Variants in CHRDL2 observed in about 807,000 individuals in gnomAD.
CHRDL2 encodes the protein chordin-like protein 2.
A neutral mutation model predicts 54.3 loss-of-function variants in CHRDL2; 41 were observed. The observed-to-expected ratio is 0.76, with a 90% CI of 0.59 to 0.98. The LOEUF (loss-of-function observed/expected upper bound fraction) is 0.98, where lower values mean the gene tolerates loss of function less well. CHRDL2 is among the 50% of genes least tolerant of loss of function. CHRDL2 has a pLI of 0.00. For synonymous variants in CHRDL2, 220 were observed against 224.3 expected (o/e 0.98, Z 0.17); for missense variants, 518 against 562.4 (o/e 0.92, Z 0.80).
Position 74,703,494 on chromosome 11 carries a change from C to G in CHRDL2, c.757G>C (p.Val253Leu), listed in dbSNP as rs1291102214. ...TGGGAGTACGTCTTCCCGCCATGCA[C>G]ACAGGCTGAATAAGGAGGGTGAGAA... is the stretch of plus-strand genomic sequence containing the variant. Reference protein sequence around the residue: ...VLKEKHKKACVHGGKTYSHGE... With the variant: ...VLKEKHKKACLHGGKTYSHGE... Residue 253 changes from valine (V) to leucine (L), a missense_variant, in exon 8 of 11, where the codon GTG becomes CTG. Coordinates refer to ENST00000376332, the MANE Select transcript of CHRDL2 (RefSeq NM_001278473.3). The G allele has an allele frequency of 1.3e-6, 2 of 1,594,818 alleles. No individual in the cohort carries two copies. Among genetic ancestry groups the G allele is most frequent in the East Asian group, 2.3e-5 (1 of 44,416 alleles).
chr11:74,713,389 C>G lies in CHRDL2; in HGVS notation c.286G>C (p.Val96Leu). Residue 96 changes from valine (V) to leucine (L), a missense_variant, in exon 3 of 11, where the codon GTG becomes CTG. Physicochemically the swap from Val to Leu is conservative, Grantham distance 32. Transcript: ENST00000376332. ...TEPQQCCPKC[V>L]EPHTPSGLRA... is the part of the protein sequence containing the mutation. ...GGGGAGGAGCATGGCTACTTACCCA[C>G]ACACTTGGGACAGCATTGCTGTGGC... 6.2e-7 allele frequency: 1 copy of G among 1,613,804 alleles called. No homozygotes were observed. The highest frequency in any genetic ancestry group is 1.1e-5 in the South Asian group (1 of 91,062).
intron 1 of CHRDL2, among the ~76,000 whole-genome samples, chr11:74,727,299 C>A (rs535283640): frequency 6.6e-6 from 1 of 152,190 alleles, no homozygotes; most frequent in Non-Finnish European, 1.5e-5. Context: ...ATCCTACCAG[C>A]GGAGCTCCCT....
intron 1 of CHRDL2, among the ~76,000 whole-genome samples, chr11:74,725,406 T>C (rs2034559094): frequency 6.6e-6 from 1 of 152,194 alleles, no homozygotes; most frequent in Admixed American, 6.5e-5. Flanking sequence ...CAACCCCCAC[T>C]TTCCAGCTCC....
intron 1 of CHRDL2, among the ~76,000 whole-genome samples, chr11:74,728,882 A>G (rs1276048783): frequency 6.6e-6 from 1 of 152,140 alleles, no homozygotes; most frequent in Non-Finnish European, 1.5e-5. Flanking sequence ...GTTGGCTCCA[A>G]GTCTTTTTCT....
At chr11:74,720,529 A>G (rs1233448696) in intron 1 of CHRDL2, among the ~76,000 whole-genome samples, 1 of 152,016 alleles carries the variant, frequency 6.6e-6, no homozygotes, top group Non-Finnish European at 1.5e-5. Flanking sequence ...CCCACCAGCC[A>G]CCATCCCCGA....
chr11:74,704,594 C>T lies in CHRDL2; in HGVS notation c.643G>A (p.Ala215Thr). 6.3e-7 allele frequency: 1 copy of T among 1,599,300 alleles called. No homozygotes were observed. Among genetic ancestry groups the T allele is most frequent in the Non-Finnish European group, 8.5e-7 (1 of 1,173,414 alleles). The change falls in exon 7 of 11, where the codon GCC (alanine) becomes ACC (threonine). Residue 215 changes from alanine (A) to threonine (T), a missense_variant. By Grantham distance (58) the Ala-to-Thr change is moderately conservative. Coordinates refer to ENST00000376332, the MANE Select transcript of CHRDL2 (RefSeq NM_001278473.3). ...AGAGGGGCGCTGAGGCCAGTGGGGG[C>T]TGGGGTGCCCGGGCCTCTCTTTCTC... Reference protein sequence around the residue: ...AGRKRGPGTPAPTGLSAPLSF... With the variant: ...AGRKRGPGTPTPTGLSAPLSF...
chr11:74,708,342 T>A lies in CHRDL2; in HGVS notation c.486A>T (p.Ala162=), dbSNP rs1334901963. Residue 162 remains alanine (A), a synonymous_variant, in exon 5 of 11, where the codon GCA becomes GCT. Coordinates refer to ENST00000376332, the MANE Select transcript of CHRDL2 (RefSeq NM_001278473.3). ...AGCAGGAGTCTGGCAGCGGGAGGGGTGCTGGGCAGCCTGGTTCGGGGCAGG... is the reference window on the plus strand; with the variant it reads ...AGCAGGAGTCTGGCAGCGGGAGGGGAGCTGGGCAGCCTGGTTCGGGGCAGG... ...LTTCPEPGCP[A]PLPLPDSCCQ... The A allele has an allele frequency of 6.3e-7, 1 of 1,579,774 alleles. No homozygotes were observed. The highest frequency in any genetic ancestry group is 2.4e-5 in the East Asian group (1 of 41,684).
intron 9 of CHRDL2, among the ~76,000 whole-genome samples, chr11:74,699,983 G>A (rs2033746976): frequency 6.6e-6 from 1 of 152,238 alleles, no homozygotes; most frequent in South Asian, 2.1e-4. Context: ...TGGTGACAAT[G>A]AGATTGGCCA....
chr11:74,719,048 C>T, intron 1 of CHRDL2: 1 of 548,284 alleles, frequency 1.8e-6, no homozygotes. Flanking sequence ...CAACACTGGG[C>T]ATGCCACTGT....
Position 74,715,823 on chromosome 11 carries a change from C to T in CHRDL2, c.196-2344G>A, listed in dbSNP as rs192863888. Among the ~76,000 whole-genome samples the T allele has an allele frequency of 2.1e-3, 311 of 151,190 alleles. 2 individuals are homozygous for T. Among genetic ancestry groups the T allele is most frequent in the African/African-American group, 6.9e-3 (286 of 41,208 alleles). The stretch of plus-strand genomic sequence containing the variant: ...GTAAAACCCGTTTCTACTAAAAATA[C>T]AAAAATTAGCCGGGCGTGGTGGTGC... On this transcript the variant is annotated intron_variant, in intron 2 of 10. Transcript: ENST00000376332.
chr11:74,717,188 T>A (rs1298717460), intron 2 of CHRDL2, among the ~76,000 whole-genome samples: 1 of 152,068 alleles, frequency 6.6e-6, no homozygotes, highest in Non-Finnish European at 1.5e-5. Flanking sequence ...AGGAGGCTTG[T>A]GTGGCAGCCC....
chr11:74,702,719 G>A (rs920883102), intron 9 of CHRDL2, 75 bp downstream of exon 9: 13 of 1,518,822 alleles, frequency 8.6e-6, no homozygotes, highest in Non-Finnish European at 1.2e-5. Flanking sequence ...CGTCCCTAAG[G>A]CCCCTGTGGG....
chr11:74,724,743 G>A (rs1157889604), intron 1 of CHRDL2, among the ~76,000 whole-genome samples: 2 of 152,206 alleles, frequency 1.3e-5, no homozygotes, highest in African/African-American at 4.8e-5. Context: ...CTGCAGAACT[G>A]AGTTCAGCCC....
chr11:74,731,018 G>C lies in CHRDL2; in HGVS notation c.-130C>G, dbSNP rs2034645515. The C allele has an allele frequency of 1.4e-6, 1 of 707,802 alleles. No homozygotes were observed. The highest frequency in any genetic ancestry group is 2.4e-6 in the Non-Finnish European group (1 of 422,344). 43.8% of individuals were successfully genotyped at this position (707,802 alleles called of 1,614,324 possible). ...GAGGTCTGCTGCTAGAGCGGGGTCG[G>C]AGAAGGGCCAGGAAGCAGCGGTGGG... On this transcript the variant is annotated 5_prime_UTR_variant, in exon 1 of 11. Transcript: ENST00000376332. The surrounding 1 kb of genome is among the most constrained non-coding windows in gnomAD (Gnocchi z 4.4).
intron 7 of CHRDL2, 121 bp downstream of exon 7, chr11:74,704,365 A>G: frequency 2.3e-6 from 2 of 863,440 alleles, no homozygotes. Context: ...CTACAAGCTC[A>G]TGGCCAAGTT....
In CHRDL2 at chr11:74,706,505, C is replaced by T; in HGVS notation, c.564G>A (p.Val188=). ...CACTCACCACCCCATGGAGCGACTG[C>T]ACACTGTCCTCTTCATCCGATTGCT... ...ASEQSDEEDS[V]QSLHGVRHPQ... is the part of the protein sequence containing the mutation. Residue 188 remains valine, a synonymous_variant, in exon 6 of 11, where the codon GTG becomes GTA. Coordinates refer to ENST00000376332, the MANE Select transcript of CHRDL2 (RefSeq NM_001278473.3). The T allele has an allele frequency of 6.2e-7, 1 of 1,614,118 alleles. No homozygotes were observed. Among genetic ancestry groups the T allele is most frequent in the East Asian group, 2.2e-5 (1 of 44,884 alleles).
At chr11:74,721,480 G>A (rs1322077144) in intron 1 of CHRDL2, among the ~76,000 whole-genome samples, 3 of 152,354 alleles carry the variant, frequency 2.0e-5, no homozygotes, top group South Asian at 4.1e-4. Context: ...GAATGTGGGG[G>A]GCCTGGCAGG....
intron 3 of CHRDL2, among the ~76,000 whole-genome samples, chr11:74,711,810 C>CT (rs1374933079): frequency 6.7e-6 from 1 of 150,332 alleles, no homozygotes; most frequent in Non-Finnish European, 1.5e-5. Context: ...ATTTTTTTTC[C>CT]TTTTTTTCTT....
intron 1 of CHRDL2, among the ~76,000 whole-genome samples, chr11:74,728,478 A>G (rs1281150522): frequency 6.6e-6 from 1 of 152,182 alleles, no homozygotes; most frequent in African/African-American, 2.4e-5. Flanking sequence ...CCCAACTCAC[A>G]CAGCCAATAA....
Sources: gnomAD v4.1 joint callset for allele counts (sites outside exome capture counted in the v4.1 genomes callset) on GRCh38, gnomAD v4.1.1 for gene constraint, Gnocchi (gnomAD v3.1) non-coding constraint, MANE v1.5 for transcripts, NCBI Gene and HGNC (gene_info 2026-07-23, HGNC 2026-07-21) for gene names.